The following TCF12 variants were observed in gnomAD, a reference collection of about 807,000 sequenced individuals.
TCF12 encodes the protein DNA-binding protein HTF4.
In TCF12, 45 loss-of-function variants were observed where a neutral mutation model predicts 86.0. That is an observed-to-expected ratio of 0.52 (90% CI 0.41 to 0.67). The LOEUF is 0.67. Among genes scored for constraint, TCF12 ranks in the 30% least tolerant of loss-of-function variants. The pLI, the probability that TCF12 is intolerant of heterozygous loss-of-function variation, is 0.00. For missense variants in TCF12, 881 were observed against 859.9 expected (o/e 1.02, Z -0.31); for synonymous variants, 330 against 299.6 (o/e 1.10, Z -1.05).
At chr15:57,063,643 C>T in intron 3 of TCF12, 107 bp from the exon 4 acceptor site, 4 of 766,518 alleles carry the variant, frequency 5.2e-6, no homozygotes, top group Non-Finnish European at 6.2e-6. Flanking sequence ...TTAGCTCTTC[C>T]ACGAAAGCGC....
intron 8 of TCF12, chr15:57,219,348 C>A: frequency 8.0e-7 from 1 of 1,255,892 alleles, no homozygotes; most frequent in Non-Finnish European, 1.0e-6. Flanking sequence ...ACAGCATAAA[C>A]CCTCCCTCTG....
At chr15:57,166,352 C>A in intron 5 of TCF12, 50 bp from the exon 6 acceptor site, 1 of 1,467,184 alleles carries the variant, frequency 6.8e-7, no homozygotes, top group Non-Finnish European at 9.3e-7. Flanking sequence ...GTTTGATTGT[C>A]TGTCAATAAA....
At chr15:57,075,845 TTCTTTC>T in intron 4 of TCF12, among the ~76,000 whole-genome samples, 1 of 129,834 alleles carries the variant, frequency 7.7e-6, no homozygotes, top group East Asian at 2.7e-4. Flanking sequence ...TTTTCTTTCT[TTCTTTC>T]TTTCTTTCTT....
chr15:57,209,698 AATC>A (rs2151811863), intron 8 of TCF12, among the ~76,000 whole-genome samples: 1 of 152,264 alleles, frequency 6.6e-6, no homozygotes, highest in East Asian at 1.9e-4. Context: ...ATCCTTTTAA[AATC>A]TAGGTCAGAT....
intron 12 of TCF12, among the ~76,000 whole-genome samples, chr15:57,239,404 T>G (rs764726881): frequency 1.5e-4 from 23 of 151,236 alleles, no homozygotes; most frequent in Non-Finnish European, 2.5e-4. Context: ...CACGCCTATG[T>G]AATCCCAGCT....
In TCF12 at chr15:57,079,092, A is replaced by G. The variant is rs184846119; in HGVS notation, c.223-12697A>G. Among the ~76,000 whole-genome samples, 340 of 152,364 alleles carry G rather than the reference A, an allele frequency of 2.2e-3. 1 individual carries two copies. Among genetic ancestry groups the G allele is most frequent in the Middle Eastern group, 0.014 (4 of 294 alleles). ...GGTGCAAATACAGTAAAGCAGTATC[A>G]GTTTGGACTAAATGTCTGAATTGAA... On this transcript the variant is annotated intron_variant, in intron 4 of 20. Coordinates refer to ENST00000333725, the MANE Select transcript of TCF12 (RefSeq NM_207037.2).
At chr15:56,919,392 C>T (rs1324462359) in intron 1 of TCF12, 1 of 152,458 alleles carries the variant, frequency 6.6e-6, no homozygotes, top group African/African-American at 2.4e-5. Flanking sequence ...GACGTCCGGG[C>T]GGCGGCGGCC....
At position 57,075,758 on chromosome 15, in the gene TCF12, TTTTCTTTC is replaced by T. The variant is rs762262996; in HGVS notation, c.222+11977_222+11984del. Among the ~76,000 whole-genome samples, 107 of 91,280 alleles carry T rather than the reference TTTTCTTTC, an allele frequency of 1.2e-3. 3 individuals are homozygous for T. The highest frequency in any genetic ancestry group is 4.0e-3 in the East Asian group (10 of 2,498). 59.9% of individuals were successfully genotyped at this position (91,280 alleles called of 152,430 possible). ...TTTTCTGGACATGACATGAGGTTTC[TTTTCTTTC>T]TTTCTTTCTTTCTTTCTTTCTTTCT... On this transcript the variant is annotated intron_variant, in intron 4 of 20. Transcript: ENST00000333725.
intron 3 of TCF12, among the ~76,000 whole-genome samples, chr15:57,013,645 G>A (rs2064975078): frequency 6.6e-6 from 1 of 152,144 alleles, no homozygotes; most frequent in Non-Finnish European, 1.5e-5. Context: ...CAAAAGTCCT[G>A]TAGCTCATGA....
At chr15:57,248,387 A>G (rs916196344) in intron 13 of TCF12, among the ~76,000 whole-genome samples, 1 of 152,236 alleles carries the variant, frequency 6.6e-6, no homozygotes, top group Non-Finnish European at 1.5e-5. Context: ...TTTGTTTACT[A>G]CAGTTGTTAT....
chr15:57,226,465 G>T (rs1375876126), intron 8 of TCF12, among the ~76,000 whole-genome samples: 1 of 152,042 alleles, frequency 6.6e-6, no homozygotes, highest in Admixed American at 6.6e-5. Context: ...CATATTTGAG[G>T]CCCACATTAG....
At chr15:56,946,185 A>G (rs953031512) in intron 3 of TCF12, among the ~76,000 whole-genome samples, 44 of 152,156 alleles carry the variant, frequency 2.9e-4, no homozygotes, top group African/African-American at 1.0e-3. Context: ...ATCTTTAAAT[A>G]TTTTTTGGTC....
chr15:57,199,171 T>C (rs1029425733), intron 8 of TCF12, among the ~76,000 whole-genome samples: 8 of 152,158 alleles, frequency 5.3e-5, no homozygotes, highest in Non-Finnish European at 1.0e-4. Flanking sequence ...ATGAACACAA[T>C]GCCTCAAATC....
chr15:57,127,377 A>G (rs566497011), intron 5 of TCF12, among the ~76,000 whole-genome samples: 110 of 152,330 alleles, frequency 7.2e-4, no homozygotes, highest in Admixed American at 1.6e-3. Flanking sequence ...AACTTTGAGG[A>G]GACAAAAATG....
intron 5 of TCF12, among the ~76,000 whole-genome samples, chr15:57,120,507 C>T (rs1256842591): frequency 1.3e-5 from 2 of 152,144 alleles, no homozygotes; most frequent in Admixed American, 1.3e-4. Flanking sequence ...TCAGGACTTA[C>T]AGTTCTGTGT....
At position 57,273,038 on chromosome 15, in the gene TCF12, A is replaced by C. The variant is rs1339509360; in HGVS notation, c.1754A>C (p.Asn585Thr). ...GTTACTTTATTTTCTAGCAGTACTA[A>C]TGAAGATGAGGATTTGAACCCTGAA... is the stretch of plus-strand genomic sequence containing the variant. ...VSSRGRTSST[N>T]EDEDLNPEQK... The change falls in exon 19 of 21, where the codon AAT becomes ACT. Residue 585 changes from asparagine (N) to threonine (T), a missense_variant. Physicochemically the swap from Asn to Thr is moderately conservative, Grantham distance 65. Transcript: ENST00000333725. The C allele has an allele frequency of 6.2e-7, 1 of 1,614,020 alleles. No homozygotes were observed. Among genetic ancestry groups the C allele is most frequent in the Non-Finnish European group, 8.5e-7 (1 of 1,179,988 alleles).
At chr15:57,225,136 T>G (rs1212076983) in intron 8 of TCF12, among the ~76,000 whole-genome samples, 2 of 151,794 alleles carry the variant, frequency 1.3e-5, no homozygotes, top group African/African-American at 4.8e-5. Flanking sequence ...TTGTTTAAAT[T>G]TTGATTACCG....
chr15:57,223,524 T>C (rs1419793382), intron 8 of TCF12, among the ~76,000 whole-genome samples: 1 of 151,964 alleles, frequency 6.6e-6, no homozygotes, highest in African/African-American at 2.4e-5. Flanking sequence ...TTGTCAACTT[T>C]TGTTTAAGAA....
chr15:57,076,817 G>C (rs2070103660), intron 4 of TCF12, among the ~76,000 whole-genome samples: 1 of 152,142 alleles, frequency 6.6e-6, no homozygotes, highest in East Asian at 1.9e-4. Flanking sequence ...GATCCATTGT[G>C]AGTTTGTTTC....
Sources: allele counts gnomAD v4.1 joint callset (sites outside exome capture counted in the v4.1 genomes callset), GRCh38; gene constraint gnomAD v4.1.1; transcripts MANE v1.5; gene names NCBI Gene and HGNC (gene_info 2026-07-23, HGNC 2026-07-21).